PPP4R2: variants seen among roughly 807,000 people sequenced by gnomAD.
The protein encoded by PPP4R2 is serine/threonine-protein phosphatase 4 regulatory subunit 2.
A neutral mutation model predicts 47.2 loss-of-function variants in PPP4R2; 13 were observed. The observed-to-expected ratio is 0.28, with a 90% CI of 0.18 to 0.44. The LOEUF (loss-of-function observed/expected upper bound fraction) is 0.44, where lower values mean the gene tolerates loss of function less well. Ranked by LOEUF, PPP4R2 falls within the 20% of genes least tolerant of loss-of-function variation. The pLI, the probability that PPP4R2 is intolerant of heterozygous loss-of-function variation, is 1.00. For missense variants in PPP4R2, 421 were observed against 491.2 expected, an observed-to-expected ratio of 0.86 and a Z score of 1.35; for synonymous variants, 151 against 163.3, an observed-to-expected ratio of 0.92 and a Z score of 0.57.
intron 3 of PPP4R2, among the ~76,000 whole-genome samples, chr3:73,049,174 T>C (rs1702557634): frequency 6.6e-6 from 1 of 152,196 alleles, no homozygotes; most frequent in Non-Finnish European, 1.5e-5. Context: ...TAAGATTTAC[T>C]GTTGAACTAA....
intron 5 of PPP4R2, chr3:73,061,986 C>T (rs562504613): frequency 4.7e-6 from 4 of 858,462 alleles, no homozygotes; most frequent in Non-Finnish European, 7.0e-6. Flanking sequence ...ATAAAAATTT[C>T]TTTTATGAAG....
At chr3:73,004,217 T>G (rs577208917) in intron 2 of PPP4R2, among the ~76,000 whole-genome samples, 1 of 152,130 alleles carries the variant, frequency 6.6e-6, no homozygotes, top group Admixed American at 6.5e-5. Context: ...TATTTCCCCT[T>G]TTTGTTGAGC....
chr3:73,037,742 A>G (rs1211468166), intron 2 of PPP4R2, among the ~76,000 whole-genome samples: 2 of 152,142 alleles, frequency 1.3e-5, no homozygotes. Flanking sequence ...TAAAGTTCCA[A>G]CTTTGTCCTG....
intron 2 of PPP4R2, among the ~76,000 whole-genome samples, chr3:73,031,298 G>A (rs1408007077): frequency 1.3e-5 from 2 of 152,150 alleles, no homozygotes; most frequent in South Asian, 4.2e-4. Flanking sequence ...CCGGCACTTT[G>A]GGAGGCCAAG....
At chr3:73,055,417 CG>C (rs1702711460) in intron 3 of PPP4R2, among the ~76,000 whole-genome samples, 1 of 137,346 alleles carries the variant, frequency 7.3e-6, no homozygotes, top group Non-Finnish European at 1.5e-5. Flanking sequence ...AGTGGGGTAG[CG>C]TGTGTGTGTG....
intron 2 of PPP4R2, among the ~76,000 whole-genome samples, chr3:73,017,444 C>T (rs757896190): frequency 1.4e-4 from 22 of 152,254 alleles, no homozygotes; most frequent in African/African-American, 2.2e-4. Flanking sequence ...CAGTGCTGAC[C>T]ACTTCCCCCA....
At chr3:73,040,499 A>ATTTTTTTTTTTTTT (rs11342756) in intron 2 of PPP4R2, among the ~76,000 whole-genome samples, 3 of 117,586 alleles carry the variant, frequency 2.6e-5, no homozygotes, top group Non-Finnish European at 3.4e-5. Context: ...ATGTGACCTA[A>ATTTTTTTTTTTTTT]TTTTTTTTTT....
chr3:73,029,056 C>A (rs1361921793), intron 2 of PPP4R2, among the ~76,000 whole-genome samples: 1 of 152,236 alleles, frequency 6.6e-6, no homozygotes, highest in Admixed American at 6.5e-5. Context: ...AGCAGTCCTC[C>A]TTCCTCAGTC....
intron 2 of PPP4R2, among the ~76,000 whole-genome samples, chr3:73,046,548 T>A (rs1702491308): frequency 1.3e-5 from 2 of 152,154 alleles, no homozygotes; most frequent in African/African-American, 4.8e-5. Context: ...TTATGTTAAT[T>A]TGATAAATGA....
chr3:73,008,325 A>G (rs946681423), intron 2 of PPP4R2, among the ~76,000 whole-genome samples: 16 of 152,222 alleles, frequency 1.1e-4, no homozygotes, highest in Non-Finnish European at 1.9e-4. Flanking sequence ...TTATTAAGAT[A>G]TGAACATGAA....
chr3:73,048,964 G>C (rs1014459281), intron 3 of PPP4R2, among the ~76,000 whole-genome samples: 1 of 152,138 alleles, frequency 6.6e-6, no homozygotes, highest in African/African-American at 2.4e-5. Flanking sequence ...AGGTTCATCA[G>C]TTATAGTTAC....
rs1258652976 is a variant in PPP4R2 at position 73,067,606 on chromosome 3, A to G, written c.*1884A>G. On this transcript the variant is annotated 3_prime_UTR_variant, in exon 9 of 9. Coordinates refer to ENST00000356692, the MANE Select transcript of PPP4R2 (RefSeq NM_174907.4). ...AAAATGAGGCAAATTTAAGTTTACA[A>G]ATTTTGAAATTTTCTTTTGAATATT... 1 of 152,166 alleles carries G rather than the reference A, an allele frequency of 6.6e-6. No individual in the cohort carries two copies. The highest frequency in any genetic ancestry group is 1.5e-5 in the Non-Finnish European group (1 of 68,000). 9.4% of individuals were successfully genotyped at this position (152,166 alleles called of 1,614,324 possible). A position where few individuals can be genotyped will look rare whatever the true frequency, so the allele number is the denominator to read the frequency against.
At chr3:73,060,871 C>G (rs1469986256) in intron 4 of PPP4R2, 152 bp from the exon 5 acceptor site, 1 of 500,654 alleles carries the variant, frequency 2.0e-6, no homozygotes, top group Non-Finnish European at 3.5e-6. Flanking sequence ...TTTGCTGTTT[C>G]ACCAGTTTTC....
Position 73,065,811 on chromosome 3 carries a change from GT to G in PPP4R2, c.*93del. On this transcript the variant is annotated 3_prime_UTR_variant, in exon 9 of 9. Transcript: ENST00000356692. ...TTTTGTGTAATAAAATGGACCTTTA[GT>G]TTTACAAGAGAAGCAGGTTGTAAAA... is the stretch of plus-strand genomic sequence containing the variant. 1.2e-6 allele frequency: 1 copy of G among 831,344 alleles called. No homozygotes were observed. 51.5% of individuals were successfully genotyped at this position (831,344 alleles called of 1,614,324 possible). A position where few individuals can be genotyped will look rare whatever the true frequency, so the allele number is the denominator to read the frequency against.
At chr3:73,058,361 TTAAA>T (rs1283891145) in intron 3 of PPP4R2, among the ~76,000 whole-genome samples, 3 of 152,072 alleles carry the variant, frequency 2.0e-5, no homozygotes, top group Non-Finnish European at 2.9e-5. Context: ...AATACATATA[TTAAA>T]TAACCCCCAA....
chr3:73,038,352 C>G (rs561468597), intron 2 of PPP4R2, among the ~76,000 whole-genome samples: 2 of 151,942 alleles, frequency 1.3e-5, no homozygotes, highest in Non-Finnish European at 1.5e-5. Flanking sequence ...GTAATAGATT[C>G]TAGGGACATT....
chr3:72,997,246 C>G (rs1435992406), intron 1 of PPP4R2, 175 bp downstream of exon 1: 2 of 440,178 alleles, frequency 4.5e-6, no homozygotes, highest in East Asian at 3.6e-5. Context: ...GCAGCTCTCT[C>G]CCGCCCCGCT....
chr3:72,999,314 ATGTAAAAC>A (rs1273549830), intron 2 of PPP4R2, among the ~76,000 whole-genome samples: 1 of 152,236 alleles, frequency 6.6e-6, no homozygotes, highest in African/African-American at 2.4e-5. Flanking sequence ...ATTTAGAACA[ATGTAAAAC>A]TGTTAATTTG....
rs34010770 is a variant in PPP4R2, at chr3:73,021,848, ATGTGTGTGTG to A, written c.116+23714_116+23723del. On this transcript the variant is annotated intron_variant, in intron 2 of 8. Coordinates refer to ENST00000356692, the MANE Select transcript of PPP4R2 (RefSeq NM_174907.4). ...TAACAGTGAAGTATTACATTTCTATATGTGTGTGTGTGTGTGTGTGTGTGTGTGTGTGTAT... is the reference window on the plus strand; with the variant it reads ...TAACAGTGAAGTATTACATTTCTATATGTGTGTGTGTGTGTGTGTGTGTAT... Among the ~76,000 whole-genome samples the A allele has an allele frequency of 1.8e-4, 24 of 131,006 alleles. 1 individual carries two copies. Among genetic ancestry groups the A allele is most frequent in the Admixed American group, 1.1e-3 (14 of 12,770 alleles). 85.9% of individuals were successfully genotyped at this position (131,006 alleles called of 152,430 possible).
Sources: allele counts gnomAD v4.1 joint callset (sites outside exome capture counted in the v4.1 genomes callset), GRCh38; gene constraint gnomAD v4.1.1; transcripts MANE v1.5; gene names NCBI Gene and HGNC (gene_info 2026-07-23, HGNC 2026-07-21).